The following KCNQ5 variants were observed in gnomAD, a reference collection of about 807,000 sequenced individuals.
KCNQ5 encodes potassium voltage-gated channel subfamily KQT member 5.
Under a neutral mutation model 98.2 loss-of-function variants are expected in KCNQ5, and 30 were observed. The ratio of observed to expected loss-of-function variants is 0.31; its 90% CI spans 0.23 to 0.41. The LOEUF (loss-of-function observed/expected upper bound fraction) is 0.41, where lower values mean the gene tolerates loss of function less well. Among genes scored for constraint, KCNQ5 ranks in the 10% least tolerant of loss-of-function variants. The pLI, the probability that KCNQ5 is intolerant of heterozygous loss-of-function variation, is 1.00. For synonymous variants in KCNQ5, 458 were observed against 449.4 expected, an observed-to-expected ratio of 1.02 and a Z score of -0.24; for missense variants, 835 against 1,182.5, an observed-to-expected ratio of 0.71 and a Z score of 4.31.
At chr6:72,685,373 AC>A (rs1389908672) in intron 1 of KCNQ5, among the ~76,000 whole-genome samples, 2 of 152,216 alleles carry the variant, frequency 1.3e-5, no homozygotes, top group African/African-American at 4.8e-5. Context: ...ATTCCAACAT[AC>A]ACTGGTTTTG....
rs780494716 is a variant in KCNQ5, at chr6:73,195,217, A to G, written c.2602A>G (p.Lys868Glu). ...TTTTTACCCCAAATGGAGGGAATCC[A>G]AATTGTTTATAACTGATGAAGAGGT... The part of the protein sequence containing the change: ...QDFYPKWRES[K>E]LFITDEEVGP... Residue 868 changes from lysine (K) to glutamate (E), a missense_variant, in exon 14 of 14, where the codon AAA becomes GAA. By Grantham distance (56) the Lys-to-Glu change is moderately conservative. Around this residue, in one of 10 missense-constraint regions of KCNQ5, gnomAD observed 416 missense variants for 446.9 expected, o/e 0.93. Coordinates refer to ENST00000370398, the MANE Select transcript of KCNQ5 (RefSeq NM_019842.4). 6.2e-7 allele frequency: 1 copy of G among 1,614,202 alleles called. No individual in the cohort carries two copies. The highest frequency in any genetic ancestry group is 8.5e-7 in the Non-Finnish European group (1 of 1,180,020).
intron 1 of KCNQ5, among the ~76,000 whole-genome samples, chr6:72,896,269 G>A (rs1473101252): frequency 4.6e-5 from 7 of 152,066 alleles, no homozygotes; most frequent in East Asian, 1.9e-4. Context: ...ATAAAAGCAC[G>A]TTGGAAATGG....
chr6:73,173,247 C>A (rs1390000552), intron 11 of KCNQ5, among the ~76,000 whole-genome samples: 1 of 152,110 alleles, frequency 6.6e-6, no homozygotes, highest in African/African-American at 2.4e-5. Flanking sequence ...TCAAACTCAC[C>A]TTTAGGAGTG....
intron 3 of KCNQ5, chr6:73,055,864 G>A: frequency 1.5e-6 from 1 of 649,184 alleles, no homozygotes. Context: ...GTGAAGGCCA[G>A]CAAACAGGCA....
chr6:73,090,714 T>G (rs1259063711), intron 5 of KCNQ5, among the ~76,000 whole-genome samples: 1 of 152,126 alleles, frequency 6.6e-6, no homozygotes, highest in Admixed American at 6.5e-5. Context: ...AACAAAATTA[T>G]GAAAAAATGC....
At chr6:72,762,048 G>A (rs1016306507) in intron 1 of KCNQ5, among the ~76,000 whole-genome samples, 1 of 151,960 alleles carries the variant, frequency 6.6e-6, no homozygotes, top group East Asian at 1.9e-4. Context: ...CTGGGTTAGG[G>A]GTATATCCAG....
chr6:73,073,700 A>G (rs1773396112), intron 3 of KCNQ5, among the ~76,000 whole-genome samples: 1 of 152,208 alleles, frequency 6.6e-6, no homozygotes, highest in Non-Finnish European at 1.5e-5. Context: ...TAACTACTTA[A>G]TACATAAATG....
At chr6:73,043,692 T>C (rs1209518230) in intron 3 of KCNQ5, among the ~76,000 whole-genome samples, 1 of 152,222 alleles carries the variant, frequency 6.6e-6, no homozygotes, top group Non-Finnish European at 1.5e-5. Context: ...AGTTCATGGA[T>C]GACTGGAAAA....
At chr6:73,020,438 A>G (rs1770550051) in intron 2 of KCNQ5, among the ~76,000 whole-genome samples, 1 of 151,834 alleles carries the variant, frequency 6.6e-6, no homozygotes, top group Admixed American at 6.6e-5. Flanking sequence ...AGGGGTGCCA[A>G]GATTCTATGC....
intron 1 of KCNQ5, among the ~76,000 whole-genome samples, chr6:72,628,107 C>G (rs2098918919): frequency 6.6e-6 from 1 of 152,108 alleles, no homozygotes. Context: ...TAACAAGGTG[C>G]CTTGTGTCTA....
chr6:72,640,025 C>T (rs760683341), intron 1 of KCNQ5, among the ~76,000 whole-genome samples: 17 of 152,130 alleles, frequency 1.1e-4, no homozygotes, highest in Non-Finnish European at 1.8e-4. Flanking sequence ...AACGCGATGT[C>T]TTGACAACTG....
At chr6:72,969,587 A>C (rs1767775270) in intron 1 of KCNQ5, among the ~76,000 whole-genome samples, 1 of 151,990 alleles carries the variant, frequency 6.6e-6, no homozygotes, top group African/African-American at 2.4e-5. Context: ...CTCTACTTTT[A>C]TATTATTCTA....
intron 1 of KCNQ5, among the ~76,000 whole-genome samples, chr6:72,700,170 T>C (rs951638036): frequency 6.6e-6 from 1 of 152,178 alleles, no homozygotes; most frequent in African/African-American, 2.4e-5. Flanking sequence ...AACTCTTAAA[T>C]GGGCAGGAAG....
At chr6:72,920,513 T>TAA (rs1287019351) in intron 1 of KCNQ5, among the ~76,000 whole-genome samples, 1 of 152,190 alleles carries the variant, frequency 6.6e-6, no homozygotes, top group Non-Finnish European at 1.5e-5. Context: ...GCTCTATTAT[T>TAA]AATAGGTGGC....
At chr6:73,084,971 A>AT (rs1773921220) in intron 5 of KCNQ5, among the ~76,000 whole-genome samples, 2 of 152,342 alleles carry the variant, frequency 1.3e-5, no homozygotes, top group East Asian at 3.9e-4. Flanking sequence ...CAACTGATAA[A>AT]CATTAGCAGG....
At chr6:72,730,979 A>G (rs1396595742) in intron 1 of KCNQ5, among the ~76,000 whole-genome samples, 1 of 152,186 alleles carries the variant, frequency 6.6e-6, no homozygotes. Context: ...CCTTAGAAGC[A>G]TCTTAAAAGC....
chr6:72,659,309 T>A (rs1928153), intron 1 of KCNQ5, among the ~76,000 whole-genome samples: 26,575 of 152,100 alleles, frequency 0.17, 2,450 homozygotes, highest in Middle Eastern at 0.28. Flanking sequence ...CCAAACTTGC[T>A]CCTGTATAAT....
intron 1 of KCNQ5, among the ~76,000 whole-genome samples, chr6:72,878,016 A>C (rs560288233): frequency 1.3e-5 from 2 of 152,340 alleles, no homozygotes; most frequent in South Asian, 4.1e-4. Context: ...CATGCCTGTG[A>C]TCCCAGCACT....
intron 1 of KCNQ5, among the ~76,000 whole-genome samples, chr6:72,923,751 G>A (rs1259774063): frequency 6.6e-6 from 1 of 152,164 alleles, no homozygotes; most frequent in African/African-American, 2.4e-5. Context: ...TTATGTTCAT[G>A]TGTGCTCAGT....
Sources: allele counts gnomAD v4.1 joint callset (sites outside exome capture counted in the v4.1 genomes callset), GRCh38; gene constraint gnomAD v4.1.1; regional missense constraint gnomAD v4.1.1; transcripts MANE v1.5; gene names NCBI Gene and HGNC (gene_info 2026-07-23, HGNC 2026-07-21).